SNTG1: variants seen among roughly 807,000 people sequenced by gnomAD.
SNTG1 encodes the protein gamma-1-syntrophin.
A neutral mutation model predicts 74.7 loss-of-function variants in SNTG1; 39 were observed. That is an observed-to-expected ratio of 0.52 (90% CI 0.40 to 0.68). The LOEUF (loss-of-function observed/expected upper bound fraction) is 0.68, where lower values mean the gene tolerates loss of function less well. SNTG1 is among the 30% of genes least tolerant of loss of function. The pLI is 0.00. For missense variants in SNTG1, 685 were observed against 609.5 expected (o/e 1.12, Z -1.30); for synonymous variants, 254 against 217.1 (o/e 1.17, Z -1.49).
At chr8:50,152,462 G>T (rs184077856) in intron 1 of SNTG1, among the ~76,000 whole-genome samples, 2 of 152,164 alleles carry the variant, frequency 1.3e-5, no homozygotes, top group South Asian at 2.1e-4. Flanking sequence ...ATGTTATCTG[G>T]TTATTTTGCT....
intron 1 of SNTG1, among the ~76,000 whole-genome samples, chr8:49,968,148 T>C (rs1395665869): frequency 6.6e-6 from 1 of 152,184 alleles, no homozygotes; most frequent in South Asian, 2.1e-4. Context: ...AGGAAAGATT[T>C]TGGGCAGAGC....
intron 2 of SNTG1, among the ~76,000 whole-genome samples, chr8:50,251,028 C>T (rs2086624723): frequency 6.6e-6 from 1 of 151,676 alleles, no homozygotes; most frequent in Non-Finnish European, 1.5e-5. Context: ...CAATTAATGA[C>T]TAAGGAACAC....
chr8:50,053,461 T>C (rs1819750778), intron 1 of SNTG1, among the ~76,000 whole-genome samples: 1 of 151,984 alleles, frequency 6.6e-6, no homozygotes, highest in African/African-American at 2.4e-5. Context: ...ATATTTTTCT[T>C]TGTGTAAGTA....
intron 12 of SNTG1, among the ~76,000 whole-genome samples, chr8:50,565,022 C>A (rs1231233843): frequency 2.0e-5 from 3 of 151,872 alleles, no homozygotes; most frequent in African/African-American, 7.3e-5. Flanking sequence ...TAATATGTAC[C>A]CTTGATATGA....
At chr8:50,132,685 C>T (rs1227254074) in intron 1 of SNTG1, among the ~76,000 whole-genome samples, 2 of 152,170 alleles carry the variant, frequency 1.3e-5, no homozygotes, top group African/African-American at 4.8e-5. Flanking sequence ...TGGACAGTGA[C>T]TCTGCACCCA....
chr8:49,954,037 T>C (rs1809952947), intron 1 of SNTG1, among the ~76,000 whole-genome samples: 1 of 152,224 alleles, frequency 6.6e-6, no homozygotes, highest in African/African-American at 2.4e-5. Flanking sequence ...GATCATTTAA[T>C]AATATTTTCT....
intron 2 of SNTG1, among the ~76,000 whole-genome samples, chr8:50,364,469 A>T (rs2092050582): frequency 6.6e-6 from 1 of 152,030 alleles, no homozygotes; most frequent in Non-Finnish European, 1.5e-5. Context: ...TTCTTTCATG[A>T]CGGTTTATGT....
chr8:49,975,233 C>A (rs908703597), intron 1 of SNTG1, among the ~76,000 whole-genome samples: 3 of 151,630 alleles, frequency 2.0e-5, no homozygotes, highest in Admixed American at 6.5e-5. Context: ...TTCATAATCA[C>A]CTCAACTGCC....
chr8:50,788,692 G>A (rs1000147466), intron 18 of SNTG1, among the ~76,000 whole-genome samples: 1 of 152,002 alleles, frequency 6.6e-6, no homozygotes, highest in Non-Finnish European at 1.5e-5. Context: ...CTATAAGTTA[G>A]TAGTTTGTCC....
chr8:49,934,162 T>C (rs1469348101), intron 1 of SNTG1, among the ~76,000 whole-genome samples: 5 of 152,096 alleles, frequency 3.3e-5, no homozygotes, highest in Admixed American at 6.5e-5. Flanking sequence ...GGTTATTCTC[T>C]AGTCTTTATA....
chr8:49,953,918 T>C (rs1382637521), intron 1 of SNTG1, among the ~76,000 whole-genome samples: 1 of 152,230 alleles, frequency 6.6e-6, no homozygotes, highest in Non-Finnish European at 1.5e-5. Context: ...TACAACTTGC[T>C]GCTTTTTCCT....
chr8:50,528,846 C>A (rs1292000441), intron 9 of SNTG1, among the ~76,000 whole-genome samples: 1 of 150,228 alleles, frequency 6.7e-6, no homozygotes, highest in African/African-American at 2.4e-5. Flanking sequence ...ATTAGTTTCC[C>A]CAAATATCTG....
chr8:50,431,087 G>C (rs1040759608), intron 4 of SNTG1, among the ~76,000 whole-genome samples: 2 of 152,100 alleles, frequency 1.3e-5, no homozygotes, highest in African/African-American at 4.8e-5. Flanking sequence ...ACATACATTC[G>C]TAATGTAGTT....
chr8:50,518,772 G>A (rs2094155117), intron 9 of SNTG1, among the ~76,000 whole-genome samples: 1 of 152,106 alleles, frequency 6.6e-6, no homozygotes, highest in African/African-American at 2.4e-5. Flanking sequence ...TCGAATCCTT[G>A]AATAGGCCAA....
rs376407175 is a variant in SNTG1 at position 50,135,877 on chromosome 8, T to C, written c.-102-36684T>C. Among the ~76,000 whole-genome samples, 155 of 152,296 alleles carry C rather than the reference T, an allele frequency of 1.0e-3. 2 individuals are homozygous for C. Among genetic ancestry groups the C allele is most frequent in the African/African-American group, 3.7e-3 (153 of 41,580 alleles). ...GGTAACGAACATAGTAGCTGATAGATAGTTTTTTGATCCTCACCCTCCTTC... is the reference window on the plus strand; with the variant it reads ...GGTAACGAACATAGTAGCTGATAGACAGTTTTTTGATCCTCACCCTCCTTC... On this transcript the variant is annotated intron_variant, in intron 1 of 18. Transcript: ENST00000642720.
chr8:50,314,132 T>A (rs1346166001), intron 2 of SNTG1, among the ~76,000 whole-genome samples: 1 of 149,742 alleles, frequency 6.7e-6, no homozygotes, highest in Non-Finnish European at 1.5e-5. Context: ...CTAGGCCCCT[T>A]CAGTGGACAG....
At chr8:49,938,158 C>T (rs1439487359) in intron 1 of SNTG1, among the ~76,000 whole-genome samples, 1 of 152,152 alleles carries the variant, frequency 6.6e-6, no homozygotes, top group African/African-American at 2.4e-5. Flanking sequence ...TATTAACCTC[C>T]ATTGGCTACC....
At chr8:50,561,068 T>A (rs2094485034) in intron 12 of SNTG1, among the ~76,000 whole-genome samples, 2 of 152,150 alleles carry the variant, frequency 1.3e-5, no homozygotes, top group South Asian at 4.1e-4. Flanking sequence ...CAAATTGTAA[T>A]CCCCATGTGT....
At position 50,656,976 on chromosome 8, in the gene SNTG1, C is replaced by T. The variant is rs1367574265; in HGVS notation, c.917C>T (p.Thr306Ile). Residue 306 changes from threonine (T) to isoleucine (I), a missense_variant, in exon 14 of 19, where the codon ACC becomes ATC. Coordinates refer to ENST00000642720, the MANE Select transcript of SNTG1 (RefSeq NM_018967.5). ...CTCCAGGACAGAGTGTACTCCCCGACCTTCCTGGCCCTGAGGGGCTCATGT... is the reference window on the plus strand; with the variant it reads ...CTCCAGGACAGAGTGTACTCCCCGATCTTCCTGGCCCTGAGGGGCTCATGT... Reference protein sequence around the residue: ...DPLQDRVYSPTFLALRGSCLY... With the variant: ...DPLQDRVYSPIFLALRGSCLY... The T allele has an allele frequency of 6.3e-7, 1 of 1,593,532 alleles. No homozygotes were observed. The highest frequency in any genetic ancestry group is 8.5e-7 in the Non-Finnish European group (1 of 1,170,650).
Sources: allele counts gnomAD v4.1 joint callset (sites outside exome capture counted in the v4.1 genomes callset), GRCh38; gene constraint gnomAD v4.1.1; transcripts MANE v1.5; gene names NCBI Gene and HGNC (gene_info 2026-07-23, HGNC 2026-07-21).